IFT80: variants seen among roughly 807,000 people sequenced by gnomAD.
IFT80 encodes the protein intraflagellar transport protein 80 homolog.
A neutral mutation model predicts 107.9 loss-of-function variants in IFT80; 79 were observed. That is an observed-to-expected ratio of 0.73 (90% CI 0.61 to 0.88). The LOEUF is 0.88. Ranked by LOEUF, IFT80 falls within the 40% of genes least tolerant of loss-of-function variation. The probability of loss-of-function intolerance (pLI) is 0.00; values close to 1 mark genes in which losing one functional copy is unlikely to be tolerated. For synonymous variants in IFT80, 299 were observed against 300.9 expected (o/e 0.99, Z 0.07); for missense variants, 797 against 914.2 (o/e 0.87, Z 1.65).
chr3:160,380,591 T>C (rs1712403918), intron 3 of IFT80, among the ~76,000 whole-genome samples: 1 of 152,156 alleles, frequency 6.6e-6, no homozygotes, highest in African/African-American at 2.4e-5. Context: ...CCAAATAAGT[T>C]TCTGTTACTT....
Position 160,285,849 on chromosome 3 carries a change from T to C in IFT80, c.1335A>G (p.Ala445=), listed in dbSNP as rs1315097819. 1.9e-6 allele frequency: 3 copies of C among 1,612,052 alleles called. No individual in the cohort carries two copies. The highest frequency in any genetic ancestry group is 2.5e-6 in the Non-Finnish European group (3 of 1,178,560). ...CATCACCTAACGGCTTTCCGGTTGA[T>C]GCCTCAAAGAGGAAGATTACTTGAA... ...ADEKIIFLFE[A]STGKPLGDGK... The change falls in exon 13 of 20, where the codon GCA becomes GCG. Residue 445 remains alanine (A), a synonymous_variant. Transcript: ENST00000326448.
intron 14 of IFT80, 39 bp downstream of exon 14, chr3:160,282,439 T>C (rs753241478): frequency 3.7e-5 from 49 of 1,316,056 alleles, no homozygotes; most frequent in Non-Finnish European, 5.0e-5. Flanking sequence ...TATAAGAAAG[T>C]TGACAATTAA....
intron 18 of IFT80, among the ~76,000 whole-genome samples, chr3:160,270,009 AT>A (rs1440336408): frequency 1.3e-4 from 19 of 148,386 alleles, no homozygotes; most frequent in Admixed American, 2.0e-4. Context: ...TTGGCTTACT[AT>A]TTTTTTTTTA....
intron 13 of IFT80, 150 bp downstream of exon 13, chr3:160,285,654 T>C: frequency 1.6e-6 from 1 of 617,652 alleles, no homozygotes; most frequent in Non-Finnish European, 2.9e-6. Context: ...AACTGTGACA[T>C]CTTTAGGCAA....
intron 19 of IFT80, among the ~76,000 whole-genome samples, chr3:160,260,765 C>T (rs767893701): frequency 2.6e-5 from 4 of 152,160 alleles, no homozygotes; most frequent in Non-Finnish European, 5.9e-5. Context: ...ATCTGGCACT[C>T]CTTATTCTAC....
At chr3:160,340,307 A>G (rs1719803864) in intron 8 of IFT80, among the ~76,000 whole-genome samples, 1 of 152,198 alleles carries the variant, frequency 6.6e-6, no homozygotes, top group African/African-American at 2.4e-5. Context: ...TATAGTTTGT[A>G]TCTTTGCAGG....
At chr3:160,306,804 C>T (rs1716861660) in intron 10 of IFT80, among the ~76,000 whole-genome samples, 1 of 152,074 alleles carries the variant, frequency 6.6e-6, no homozygotes, top group Non-Finnish European at 1.5e-5. Context: ...GACTTGGATA[C>T]CAAGATGATG....
chr3:160,307,563 T>A, intron 10 of IFT80, 100 bp downstream of exon 10: 1 of 779,488 alleles, frequency 1.3e-6, no homozygotes, highest in East Asian at 2.4e-5. Flanking sequence ...TTTGAGAAAG[T>A]TAAGCTTAAA....
intron 5 of IFT80, among the ~76,000 whole-genome samples, chr3:160,369,262 A>T (rs2108383042): frequency 6.6e-6 from 1 of 152,124 alleles, no homozygotes; most frequent in East Asian, 1.9e-4. Context: ...TTTTAACCAC[A>T]TTCCTTCAAT....
intron 8 of IFT80, 35 bp from the exon 9 acceptor site, chr3:160,319,974 C>G: frequency 6.3e-7 from 1 of 1,578,452 alleles, no homozygotes; most frequent in South Asian, 1.1e-5. Flanking sequence ...GATGGACTTA[C>G]TGAAAAAAAA....
At chr3:160,275,942 C>T (rs992310195) in intron 18 of IFT80, among the ~76,000 whole-genome samples, 4 of 151,790 alleles carry the variant, frequency 2.6e-5, no homozygotes, top group East Asian at 1.9e-4. Flanking sequence ...TCGGTCTGGT[C>T]GCCCAGGCTG....
rs147180523 is a variant in IFT80 at position 160,331,111 on chromosome 3, G to A, written c.778-11172C>T. ...TTTTCACTTAAAGGAAGCACTTTAT[G>A]GCTTCTCTTTGGCACACTGAATTGC... On this transcript the variant is annotated intron_variant, in intron 8 of 19. Coordinates refer to ENST00000326448, the MANE Select transcript of IFT80 (RefSeq NM_020800.3). Among the ~76,000 whole-genome samples, 140 of 152,230 alleles carry A rather than the reference G, an allele frequency of 9.2e-4. 1 individual carries two copies. The highest frequency in any genetic ancestry group is 6.0e-3 in the South Asian group (29 of 4,824).
At chr3:160,329,569 G>A (rs1718935431) in intron 8 of IFT80, among the ~76,000 whole-genome samples, 2 of 152,164 alleles carry the variant, frequency 1.3e-5, no homozygotes, top group South Asian at 2.1e-4. Context: ...CCTGTACTGG[G>A]AGGAAAGGAA....
chr3:160,275,661 A>G (rs1039897930), intron 18 of IFT80, among the ~76,000 whole-genome samples: 7 of 152,110 alleles, frequency 4.6e-5, no homozygotes, highest in Non-Finnish European at 5.9e-5. Context: ...TTTTTGTTAA[A>G]TTGTACAGTA....
chr3:160,326,472 C>G (rs964443969), intron 8 of IFT80, among the ~76,000 whole-genome samples: 1 of 152,082 alleles, frequency 6.6e-6, no homozygotes, highest in Admixed American at 6.6e-5. Flanking sequence ...AAAAGCTTAT[C>G]CACCATGATC....
chr3:160,321,347 CAAAT>C (rs1249633586), intron 8 of IFT80, among the ~76,000 whole-genome samples: 1 of 151,918 alleles, frequency 6.6e-6, no homozygotes, highest in Admixed American at 6.6e-5. Context: ...TTGATAATGA[CAAAT>C]AAGACTTGAT....
intron 8 of IFT80, 78 bp downstream of exon 8, chr3:160,355,934 TA>T: frequency 6.6e-7 from 1 of 1,517,312 alleles, no homozygotes; most frequent in Non-Finnish European, 9.1e-7. Flanking sequence ...AAATGTTTTT[TA>T]AAGACTGAGA....
intron 6 of IFT80, among the ~76,000 whole-genome samples, chr3:160,363,678 G>C (rs931889870): frequency 6.6e-6 from 1 of 152,140 alleles, no homozygotes; most frequent in Non-Finnish European, 1.5e-5. Flanking sequence ...CAATGGAACA[G>C]AACAGAGCCC....
rs1336799646 is a variant in IFT80 at position 160,351,541 on chromosome 3, T to TACACATATATTATATGTATATATATATAC, written c.777+4443_777+4471dup. 8.7e-4 allele frequency among the ~76,000 whole-genome samples: 128 copies of TACACATATATTATATGTATATATATATAC among 147,250 alleles called. 2 individuals are homozygous for TACACATATATTATATGTATATATATATAC. Among genetic ancestry groups the TACACATATATTATATGTATATATATATAC allele is most frequent in the Admixed American group, 5.5e-4 (8 of 14,620 alleles). On this transcript the variant is annotated intron_variant, in intron 8 of 19. Transcript: ENST00000326448. ...AGAAAGATTTGAACAAATATATATA[T>TACACATATATTATATGTATATATATATAC]ACACATATATTATATGTATATATAT...
Sources: allele counts gnomAD v4.1 joint callset (sites outside exome capture counted in the v4.1 genomes callset), GRCh38; gene constraint gnomAD v4.1.1; transcripts MANE v1.5; gene names NCBI Gene and HGNC (gene_info 2026-07-23, HGNC 2026-07-21).